CYP19A1: variants seen among roughly 807,000 people sequenced by gnomAD.
CYP19A1 encodes aromatase.
CYP19A1 carries 32 observed loss-of-function variants against 44.4 expected under a neutral mutation model. That is an observed-to-expected ratio of 0.72 (90% confidence interval 0.54 to 0.97). The LOEUF (loss-of-function observed/expected upper bound fraction) is 0.97, where lower values mean the gene tolerates loss of function less well. Among genes scored for constraint, CYP19A1 ranks in the 50% least tolerant of loss-of-function variants. The pLI is 0.00. For missense variants in CYP19A1, 598 were observed against 637.8 expected, an observed-to-expected ratio of 0.94 and a Z score of 0.67; for synonymous variants, 212 against 215.6, an observed-to-expected ratio of 0.98 and a Z score of 0.14.
intron 1 of CYP19A1, among the ~76,000 whole-genome samples, chr15:51,261,341 G>T (rs1566900729): frequency 6.6e-6 from 1 of 152,166 alleles, no homozygotes. Flanking sequence ...CCACCATCTT[G>T]GGAGCTCTAA....
At chr15:51,333,689 C>A (rs1056577197) in intron 1 of CYP19A1, among the ~76,000 whole-genome samples, 1 of 152,120 alleles carries the variant, frequency 6.6e-6, no homozygotes, top group Non-Finnish European at 1.5e-5. Flanking sequence ...CAAGTCTTGG[C>A]AATAAAAGGT....
Position 51,285,874 on chromosome 15 carries a change from G to A in CYP19A1, c.-38-42924C>T, listed in dbSNP as rs1004410032. On this transcript the variant is annotated intron_variant, in intron 1 of 9. Transcript: ENST00000396402. ...TGTGTTTTCTCATTCCTTTGACTCC[G>A]CCAGACTTCGTCACCACCAAGGCCT... Among the ~76,000 whole-genome samples the A allele has an allele frequency of 9.2e-5, 14 of 152,116 alleles. No homozygotes were observed. In the South Asian group the frequency reaches 1.7e-3, roughly 18 times the overall value.
chr15:51,210,528 T>G lies in CYP19A1; in HGVS notation c.*280A>C. 3.4e-6 allele frequency: 2 copies of G among 585,826 alleles called. No individual in the cohort carries two copies. Among genetic ancestry groups the G allele is most frequent in the Non-Finnish European group, 6.5e-6 (2 of 309,506 alleles). The allele number at this position is 585,826 out of a possible 1,614,324, so 36.3% of individuals were successfully genotyped here. A position where few individuals can be genotyped will look rare whatever the true frequency, so the allele number is the denominator to read the frequency against. The stretch of plus-strand genomic sequence containing the variant: ...GAAGGCCTATCCTTCTCAAAGCACA[T>G]TTGGTGGAATCGGGTCTTTATGGAT... On this transcript the variant is annotated 3_prime_UTR_variant, in exon 10 of 10. Transcript: ENST00000396402.
chr15:51,265,149 G>A lies in CYP19A1; in HGVS notation c.-38-22199C>T, dbSNP rs553393589. ...CCTAACTTCCCAAGCACACTGCCCC[G>A]TTTGGGCCTCCAAGGCTATGTGTGT... On this transcript the variant is annotated intron_variant, in intron 1 of 9. Transcript: ENST00000396402. 5.9e-5 allele frequency among the ~76,000 whole-genome samples: 9 copies of A among 152,276 alleles called. No individual in the cohort carries two copies. The East Asian group carries it at 1.2e-3, about 20-fold the overall frequency.
rs28427432 is a variant in CYP19A1 at position 51,289,540 on chromosome 15, T to G, written c.-38-46590A>C. On this transcript the variant is annotated intron_variant, in intron 1 of 9. Coordinates refer to ENST00000396402, the MANE Select transcript of CYP19A1 (RefSeq NM_000103.4). ...GCTTTTAAACCAACCTGTCTCACATTGGCTGGGTCCTTTGGGGCCTTCTGC... is the reference window on the plus strand; with the variant it reads ...GCTTTTAAACCAACCTGTCTCACATGGGCTGGGTCCTTTGGGGCCTTCTGC... 8.2e-3 allele frequency among the ~76,000 whole-genome samples: 1,254 copies of G among 152,270 alleles called. 16 individuals carry two copies. Among genetic ancestry groups the G allele is most frequent in the African/African-American group, 0.029 (1,194 of 41,542 alleles).
intron 1 of CYP19A1, among the ~76,000 whole-genome samples, chr15:51,292,351 G>A (rs535216790): frequency 5.9e-5 from 9 of 152,316 alleles, no homozygotes; most frequent in African/African-American, 1.9e-4. Context: ...ACCACCACCA[G>A]CCTGCAGAAT....
intron 1 of CYP19A1, among the ~76,000 whole-genome samples, chr15:51,244,005 G>A (rs1478702406): frequency 1.3e-5 from 2 of 152,298 alleles, no homozygotes; most frequent in East Asian, 3.9e-4. Flanking sequence ...ATACTCCAAG[G>A]TTTGCCTTTA....
chr15:51,294,682 G>GC (rs1412871586), intron 1 of CYP19A1, among the ~76,000 whole-genome samples: 2 of 143,594 alleles, frequency 1.4e-5, no homozygotes, highest in African/African-American at 5.3e-5. Context: ...AGGGAGGTGG[G>GC]GGGTCAGCCC....
At chr15:51,218,700 CA>C (rs780646924) in intron 5 of CYP19A1, 45 bp from the exon 6 acceptor site, 58 of 1,579,676 alleles carry the variant, frequency 3.7e-5, no homozygotes, top group Non-Finnish European at 4.7e-5. Flanking sequence ...AGCAGTTGAG[CA>C]AAATGTGAGC....
intron 2 of CYP19A1, among the ~76,000 whole-genome samples, chr15:51,241,818 T>C (rs1025232335): frequency 1.3e-5 from 2 of 152,294 alleles, no homozygotes; most frequent in Non-Finnish European, 2.9e-5. Context: ...GGCAATTATC[T>C]GGAATGTTAA....
intron 1 of CYP19A1, among the ~76,000 whole-genome samples, chr15:51,334,857 C>T (rs2141033380): frequency 6.6e-6 from 1 of 152,326 alleles, no homozygotes; most frequent in South Asian, 2.1e-4. Flanking sequence ...GGCCCCAGGT[C>T]ATACCTTCCC....
intron 1 of CYP19A1, among the ~76,000 whole-genome samples, chr15:51,282,200 C>G (rs2035542395): frequency 6.6e-6 from 1 of 152,188 alleles, no homozygotes; most frequent in Non-Finnish European, 1.5e-5. Flanking sequence ...CTTACTTCAT[C>G]CTTGTAGATG....
chr15:51,228,139 T>C (rs1395297779), intron 3 of CYP19A1, among the ~76,000 whole-genome samples: 1 of 152,176 alleles, frequency 6.6e-6, no homozygotes, highest in African/African-American at 2.4e-5. Flanking sequence ...ACTGACTCCC[T>C]GTTTCAACAT....
chr15:51,329,668 C>T (rs908911658), intron 1 of CYP19A1, among the ~76,000 whole-genome samples: 1 of 152,198 alleles, frequency 6.6e-6, no homozygotes, highest in African/African-American at 2.4e-5. Context: ...TCCTCTTCAG[C>T]GAGTGAATCC....
At chr15:51,285,623 A>G (rs2035671936) in intron 1 of CYP19A1, among the ~76,000 whole-genome samples, 1 of 152,178 alleles carries the variant, frequency 6.6e-6, no homozygotes, top group African/African-American at 2.4e-5. Context: ...CTTCTAGCTT[A>G]AACTGGAAAA....
At chr15:51,252,605 TG>T (rs2141145345) in intron 1 of CYP19A1, among the ~76,000 whole-genome samples, 1 of 152,302 alleles carries the variant, frequency 6.6e-6, no homozygotes, top group South Asian at 2.1e-4. Context: ...ATCCCATCTG[TG>T]GGCCCTCAGA....
At chr15:51,262,817 C>CA (rs1566901427) in intron 1 of CYP19A1, among the ~76,000 whole-genome samples, 1 of 152,156 alleles carries the variant, frequency 6.6e-6, no homozygotes, top group Admixed American at 6.5e-5. Flanking sequence ...AGCATGAACC[C>CA]ATTGGGTAGG....
chr15:51,336,733 T>A (rs1374125519), intron 1 of CYP19A1, among the ~76,000 whole-genome samples: 2 of 152,214 alleles, frequency 1.3e-5, no homozygotes, highest in African/African-American at 4.8e-5. Context: ...GACCATTCTA[T>A]TTAACTTTTG....
intron 1 of CYP19A1, among the ~76,000 whole-genome samples, chr15:51,273,977 A>G (rs2140957963): frequency 6.6e-6 from 1 of 150,634 alleles, no homozygotes; most frequent in South Asian, 2.1e-4. Context: ...ATTGCACTCC[A>G]GCCTGGGCCA....
Sources: allele counts gnomAD v4.1 joint callset (sites outside exome capture counted in the v4.1 genomes callset), GRCh38; gene constraint gnomAD v4.1.1; transcripts MANE v1.5; gene names NCBI Gene and HGNC (gene_info 2026-07-23, HGNC 2026-07-21).